The following MAPKAP1 variants were observed in gnomAD, a reference collection of about 807,000 sequenced individuals.
MAPKAP1 encodes target of rapamycin complex 2 subunit MAPKAP1.
A neutral mutation model predicts 65.7 loss-of-function variants in MAPKAP1; 20 were observed. That is an observed-to-expected ratio of 0.30 (90% CI 0.21 to 0.44). MAPKAP1 has a LOEUF of 0.44. MAPKAP1 is among the 20% of genes least tolerant of loss of function. The probability of loss-of-function intolerance (pLI) is 1.00; values close to 1 mark genes in which losing one functional copy is unlikely to be tolerated. For synonymous variants in MAPKAP1, 222 were observed against 244.3 expected (o/e 0.91, Z 0.85); for missense variants, 423 against 648.0 (o/e 0.65, Z 3.77).
At chr9:125,680,657 G>A (rs1834795273) in intron 1 of MAPKAP1, among the ~76,000 whole-genome samples, 1 of 152,084 alleles carries the variant, frequency 6.6e-6, no homozygotes, top group African/African-American at 2.4e-5. Context: ...TAAAATAACA[G>A]AAATGATTTA....
intron 5 of MAPKAP1, among the ~76,000 whole-genome samples, chr9:125,583,128 C>T (rs566435388): frequency 1.2e-4 from 18 of 152,166 alleles, no homozygotes; most frequent in Non-Finnish European, 2.1e-4. Flanking sequence ...ATGTTAATAG[C>T]ATTTCATTTA....
chr9:125,631,383 C>A (rs2131685249), intron 4 of MAPKAP1, among the ~76,000 whole-genome samples: 1 of 152,338 alleles, frequency 6.6e-6, no homozygotes, highest in East Asian at 1.9e-4. Flanking sequence ...CCATGCAGAG[C>A]ATCTTCTACC....
Position 125,657,433 on chromosome 9 carries a change from T to A in MAPKAP1, c.498+218A>T, listed in dbSNP as rs118170747. ...GAGAGAATGAAAGAGCACAGGACTGTTTTTGTTTTAATCCTCCCAAATATA... is the reference window on the plus strand; with the variant it reads ...GAGAGAATGAAAGAGCACAGGACTGATTTTGTTTTAATCCTCCCAAATATA... On this transcript the variant is annotated intron_variant, in intron 4 of 11. Transcript: ENST00000265960. 4.8e-3 allele frequency among the ~76,000 whole-genome samples: 728 copies of A among 152,158 alleles called. 3 individuals carry two copies. The highest frequency in any genetic ancestry group is 8.4e-3 in the Non-Finnish European group (574 of 67,984).
chr9:125,687,001 T>C (rs147832902), intron 1 of MAPKAP1, among the ~76,000 whole-genome samples: 2,969 of 152,120 alleles, frequency 0.02, 101 homozygotes, highest in African/African-American at 0.068. Context: ...AATTTTTCTA[T>C]GTTTAGTAGA....
intron 8 of MAPKAP1, among the ~76,000 whole-genome samples, chr9:125,489,588 G>A (rs1266561245): frequency 6.6e-6 from 1 of 152,042 alleles, no homozygotes; most frequent in East Asian, 1.9e-4. Flanking sequence ...AAGGTATGGA[G>A]GACAAGCAGA....
intron 8 of MAPKAP1, 92 bp downstream of exon 8, chr9:125,506,218 G>C: frequency 9.2e-7 from 1 of 1,086,096 alleles, no homozygotes; most frequent in Non-Finnish European, 1.4e-6. Flanking sequence ...AATCTGCCTA[G>C]GGAAACCAGA....
At chr9:125,545,176 G>A (rs187599524) in intron 6 of MAPKAP1, among the ~76,000 whole-genome samples, 9 of 152,276 alleles carry the variant, frequency 5.9e-5, no homozygotes, top group Admixed American at 5.9e-4. Flanking sequence ...AAGCTGGACC[G>A]CATCCCAGAA....
At chr9:125,661,338 T>G (rs1007598099) in intron 3 of MAPKAP1, among the ~76,000 whole-genome samples, 1 of 152,040 alleles carries the variant, frequency 6.6e-6, no homozygotes, top group African/African-American at 2.4e-5. Context: ...GATACACTGG[T>G]AAAACAAAAC....
intron 8 of MAPKAP1, among the ~76,000 whole-genome samples, chr9:125,493,417 C>A (rs1456906082): frequency 6.6e-6 from 1 of 152,162 alleles, no homozygotes; most frequent in Non-Finnish European, 1.5e-5. Flanking sequence ...AAGTATCTTA[C>A]ATGGTAAGTA....
intron 1 of MAPKAP1, among the ~76,000 whole-genome samples, chr9:125,690,638 T>C (rs1247173776): frequency 2.6e-5 from 4 of 152,210 alleles, no homozygotes; most frequent in Non-Finnish European, 5.9e-5. Flanking sequence ...ATTACAACTC[T>C]TTACTATTAT....
chr9:125,530,210 C>T (rs2133137102), intron 7 of MAPKAP1, among the ~76,000 whole-genome samples: 1 of 152,232 alleles, frequency 6.6e-6, no homozygotes, highest in East Asian at 1.9e-4. Context: ...TTCCTTACAG[C>T]TACTAATAGG....
chr9:125,552,751 G>C (rs1249705189), intron 6 of MAPKAP1, among the ~76,000 whole-genome samples: 1 of 152,068 alleles, frequency 6.6e-6, no homozygotes, highest in African/African-American at 2.4e-5. Flanking sequence ...GGAATCAACA[G>C]ATGAATTTAC....
chr9:125,592,943 C>A (rs1444423719), intron 4 of MAPKAP1, among the ~76,000 whole-genome samples: 2 of 134,150 alleles, frequency 1.5e-5, no homozygotes, highest in Admixed American at 7.6e-5. Flanking sequence ...TGTGCTGTGA[C>A]AGGCTGTTGG....
chr9:125,503,880 C>CTTTTTT lies in MAPKAP1; in HGVS notation c.1066+2424_1066+2429dup, dbSNP rs35867576. 6.6e-3 allele frequency among the ~76,000 whole-genome samples: 435 copies of CTTTTTT among 66,190 alleles called. 27 individuals are homozygous for CTTTTTT. The highest frequency in any genetic ancestry group is 0.023 in the East Asian group (36 of 1,536). 43.4% of individuals were successfully genotyped at this position (66,190 alleles called of 152,430 possible). A position where few individuals can be genotyped will look rare whatever the true frequency, so the allele number is the denominator to read the frequency against. ...TATAGGCACCCGCCACCACGCTTGG[C>CTTTTTT]TTTTTTTTTTTTTTTTTTTTTTTTT... On this transcript the variant is annotated intron_variant, in intron 8 of 11. Transcript: ENST00000265960.
At chr9:125,614,524 T>C (rs1751045431) in intron 4 of MAPKAP1, among the ~76,000 whole-genome samples, 1 of 152,106 alleles carries the variant, frequency 6.6e-6, no homozygotes. Flanking sequence ...CTTGGGAGGC[T>C]AGGGCAGGGA....
chr9:125,565,741 C>CAAA lies in MAPKAP1; in HGVS notation c.672-5935_672-5933dup, dbSNP rs71374275. On this transcript the variant is annotated intron_variant, in intron 5 of 11. Coordinates refer to ENST00000265960, the MANE Select transcript of MAPKAP1 (RefSeq NM_001006617.3). ...TTCCTGATCCTCAGTTTCTCTCCTG[C>CAAA]AAAAAAAAAAAAAAAAAAAAAAAAA... 614 of 148,826 alleles carry CAAA rather than the reference C, an allele frequency of 4.1e-3. 6 individuals carry two copies. Among genetic ancestry groups the CAAA allele is most frequent in the East Asian group, 0.015 (47 of 3,068 alleles). 9.2% of individuals were successfully genotyped at this position (148,826 alleles called of 1,614,324 possible).
intron 4 of MAPKAP1, among the ~76,000 whole-genome samples, chr9:125,619,629 T>G (rs536599923): frequency 6.6e-6 from 1 of 152,142 alleles, no homozygotes; most frequent in Non-Finnish European, 1.5e-5. Context: ...ATCAGGAACC[T>G]TCATATATAC....
chr9:125,583,645 T>C (rs753384860), intron 5 of MAPKAP1, among the ~76,000 whole-genome samples: 5 of 152,226 alleles, frequency 3.3e-5, no homozygotes, highest in Admixed American at 6.5e-5. Flanking sequence ...ACTTAGTCTC[T>C]CTAAGTTAGT....
chr9:125,576,479 G>GCTCTCC lies in MAPKAP1; in HGVS notation c.671+9070_671+9075dup, dbSNP rs550455340. Among the ~76,000 whole-genome samples the GCTCTCC allele has an allele frequency of 3.0e-3, 460 of 151,450 alleles. 1 individual carries two copies. The highest frequency in any genetic ancestry group is 0.01 in the African/African-American group (432 of 41,226). On this transcript the variant is annotated intron_variant, in intron 5 of 11. Coordinates refer to ENST00000265960, the MANE Select transcript of MAPKAP1 (RefSeq NM_001006617.3). ...AATTTTTTTAAAAAAACGAAGCATA[G>GCTCTCC]CTCTCCCTCTCCCTCTCCCTCTCCC...
Sources: gnomAD v4.1 joint callset for allele counts (sites outside exome capture counted in the v4.1 genomes callset) on GRCh38, gnomAD v4.1.1 for gene constraint, MANE v1.5 for transcripts, NCBI Gene and HGNC (gene_info 2026-07-23, HGNC 2026-07-21) for gene names.